UBR1: variants seen among roughly 807,000 people sequenced by gnomAD.
UBR1 encodes ubiquitin protein ligase E3 component n-recognin 1.
A neutral mutation model predicts 242.1 loss-of-function variants in UBR1; 102 were observed. That is an observed-to-expected ratio of 0.42 (90% CI 0.36 to 0.50). The LOEUF (loss-of-function observed/expected upper bound fraction) is 0.50. UBR1 is among the 20% of genes least tolerant of loss of function. UBR1 has a pLI of 0.01. For missense variants in UBR1, 1,772 were observed against 2,101.8 expected, an observed-to-expected ratio of 0.84 and a Z score of 3.07; for synonymous variants, 675 against 684.8, an observed-to-expected ratio of 0.99 and a Z score of 0.22.
Position 43,037,649 on chromosome 15 carries a change from A to C in UBR1, c.2022+124T>G, listed in dbSNP as rs916094501. 7 of 784,610 alleles carry C rather than the reference A, an allele frequency of 8.9e-6. No homozygotes were observed. In the African/African-American group the frequency reaches 1.0e-4, roughly 12 times the overall value. 48.6% of individuals were successfully genotyped at this position (784,610 alleles called of 1,614,324 possible). Reference sequence around the variant, plus strand: ...AGTTCCTAGAACTTTCATTTCTAGGAGTTTATACAAGAGAATAGTAACATA... The same window carrying C: ...AGTTCCTAGAACTTTCATTTCTAGGCGTTTATACAAGAGAATAGTAACATA... On this transcript the variant is annotated intron_variant, in intron 17 of 46. Transcript: ENST00000290650.
Position 43,003,853 on chromosome 15 carries a change from C to A in UBR1, c.3493G>T (p.Ala1165Ser), listed in dbSNP as rs368770602. The stretch of plus-strand genomic sequence containing the variant: ...ACAACTTACTTCTGCCAGCACACTG[C>A]GTGCATTACATGACCACAGCTTCCT... ...YTGSCGHVMH[A>S]VCWQKYFEAV... The change falls in exon 31 of 47, where the codon GCA becomes TCA. Residue 1165 changes from alanine to serine, a missense_variant. By Grantham distance (99) the Ala-to-Ser change is moderately conservative. Transcript: ENST00000290650. 7 of 1,613,948 alleles carry A rather than the reference C, an allele frequency of 4.3e-6. No individual in the cohort carries two copies. Among genetic ancestry groups the A allele is most frequent in the Non-Finnish European group, 5.9e-6 (7 of 1,180,008 alleles).
chr15:43,092,898 T>C (rs1005990592), intron 1 of UBR1, among the ~76,000 whole-genome samples: 1 of 152,158 alleles, frequency 6.6e-6, no homozygotes, highest in African/African-American at 2.4e-5. Context: ...TTCACAAAAA[T>C]GTTTTCCATT....
intron 4 of UBR1, among the ~76,000 whole-genome samples, chr15:43,071,341 T>C (rs1383019712): frequency 6.6e-6 from 1 of 152,156 alleles, no homozygotes; most frequent in Non-Finnish European, 1.5e-5. Context: ...TGAAAAGAAA[T>C]AGAACCCAGC....
chr15:43,015,108 C>G (rs1669566959), intron 29 of UBR1, among the ~76,000 whole-genome samples: 1 of 151,474 alleles, frequency 6.6e-6, no homozygotes, highest in African/African-American at 2.4e-5. Context: ...AGTGAGGAGC[C>G]CCTCTGCCCG....
Position 43,054,821 on chromosome 15 carries a change from C to G in UBR1, c.1360G>C (p.Asp454His), listed in dbSNP as rs775777743. Residue 454 changes from aspartate (D) to histidine (H), a missense_variant, in exon 12 of 47, where the codon GAC (aspartate) becomes CAC (histidine). Transcript: ENST00000290650. The part of the protein sequence containing the change: ...TLLEVLPEYL[D>H]RNNKFNFQGY... ...TGGAAGTTGAATTTATTGTTCCTGT[C>G]CAAGTACTCAGGTAAAACTTCTAGC... 2 of 1,614,108 alleles carry G rather than the reference C, an allele frequency of 1.2e-6. No individual in the cohort carries two copies. Among genetic ancestry groups the G allele is most frequent in the Non-Finnish European group, 1.7e-6 (2 of 1,180,018 alleles).
intron 42 of UBR1, among the ~76,000 whole-genome samples, chr15:42,962,302 G>T (rs2032036232): frequency 6.6e-6 from 1 of 152,132 alleles, no homozygotes; most frequent in Non-Finnish European, 1.5e-5. Context: ...GCAAACTAAA[G>T]ATCACCACTC....
At chr15:42,953,533 T>C (rs2031867987) in intron 44 of UBR1, among the ~76,000 whole-genome samples, 1 of 152,238 alleles carries the variant, frequency 6.6e-6, no homozygotes, top group African/African-American at 2.4e-5. Context: ...AGGACTATTT[T>C]CACTTCCGGG....
chr15:43,078,887 A>G (rs965236001), intron 3 of UBR1, among the ~76,000 whole-genome samples: 2 of 152,208 alleles, frequency 1.3e-5, no homozygotes, highest in Non-Finnish European at 2.9e-5. Context: ...ATGGACAAAA[A>G]AGCAGGAATA....
At chr15:43,054,265 C>T (rs2033590372) in intron 12 of UBR1, among the ~76,000 whole-genome samples, 1 of 151,930 alleles carries the variant, frequency 6.6e-6, no homozygotes, top group African/African-American at 2.4e-5. Flanking sequence ...GCAGGAGGAT[C>T]ACTGGAGCCC....
intron 41 of UBR1, 91 bp from the exon 42 acceptor site, chr15:42,964,134 C>G: frequency 1.1e-6 from 1 of 901,172 alleles, no homozygotes; most frequent in Non-Finnish European, 1.8e-6. Context: ...ATGCTTATTT[C>G]TACACTCTCC....
chr15:42,998,762 T>C (rs2032677131), intron 32 of UBR1, among the ~76,000 whole-genome samples: 1 of 152,226 alleles, frequency 6.6e-6, no homozygotes, highest in African/African-American at 2.4e-5. Flanking sequence ...TTCATTTAAG[T>C]ATGAATTCAT....
chr15:43,001,396 C>T (rs2032723287), intron 32 of UBR1, among the ~76,000 whole-genome samples: 1 of 152,226 alleles, frequency 6.6e-6, no homozygotes, highest in African/African-American at 2.4e-5. Context: ...ATCCGCCCAC[C>T]TCGGCTTCCC....
intron 33 of UBR1, among the ~76,000 whole-genome samples, chr15:42,993,088 T>C (rs1178771932): frequency 6.6e-6 from 1 of 152,222 alleles, no homozygotes; most frequent in Non-Finnish European, 1.5e-5. Context: ...GAGGGGCTTC[T>C]TTTCCTGATC....
At chr15:43,048,187 GAAA>G (rs79911143) in intron 13 of UBR1, among the ~76,000 whole-genome samples, 1 of 126,954 alleles carries the variant, frequency 7.9e-6, no homozygotes, top group African/African-American at 2.9e-5. Context: ...CTCTGTCTTC[GAAA>G]AAAAAAAAAA....
intron 33 of UBR1, among the ~76,000 whole-genome samples, chr15:42,991,746 A>T (rs954995381): frequency 2.6e-5 from 4 of 151,746 alleles, no homozygotes; most frequent in Non-Finnish European, 5.9e-5. Context: ...AGTCTAGTAT[A>T]TGTATTTTTG....
At chr15:43,062,534 C>T (rs560086331) in intron 6 of UBR1, among the ~76,000 whole-genome samples, 166 of 152,194 alleles carry the variant, frequency 1.1e-3, no homozygotes, top group African/African-American at 4.0e-3. Flanking sequence ...AGATAGTTAA[C>T]ACTAGTATAT....
intron 46 of UBR1, among the ~76,000 whole-genome samples, chr15:42,948,463 T>G (rs1596071328): frequency 6.6e-6 from 1 of 152,032 alleles, no homozygotes; most frequent in Non-Finnish European, 1.5e-5. Flanking sequence ...CTTCTGCACA[T>G]CAAAAGAAAC....
At chr15:43,082,509 C>G in intron 3 of UBR1, 129 bp downstream of exon 3, 1 of 764,084 alleles carries the variant, frequency 1.3e-6, no homozygotes, top group Non-Finnish European at 2.3e-6. Flanking sequence ...CTCTTCCAAT[C>G]TTTTCTTTAA....
intron 6 of UBR1, among the ~76,000 whole-genome samples, chr15:43,063,762 A>C (rs2033716043): frequency 6.7e-6 from 1 of 149,848 alleles, no homozygotes. Flanking sequence ...AGTTTCGTTC[A>C]TCGTTGCCCA....
Sources: allele counts gnomAD v4.1 joint callset (sites outside exome capture counted in the v4.1 genomes callset), GRCh38; gene constraint gnomAD v4.1.1; transcripts MANE v1.5; gene names NCBI Gene and HGNC (gene_info 2026-07-23, HGNC 2026-07-21).